ABCA4: variants seen among roughly 807,000 people sequenced by gnomAD.
ABCA4 encodes the protein retinal-specific phospholipid-transporting ATPase ABCA4.
In ABCA4, 196 loss-of-function variants were observed where a neutral mutation model predicts 263.7. The observed-to-expected ratio is 0.74, with a 90% CI of 0.66 to 0.84. The LOEUF (loss-of-function observed/expected upper bound fraction) is 0.84. Ranked by LOEUF, ABCA4 falls within the 40% of genes least tolerant of loss-of-function variation. ABCA4 has a pLI of 0.00. For missense variants in ABCA4, 2,792 were observed against 2,855.1 expected (o/e 0.98, Z 0.50); for synonymous variants, 1,133 against 1,094.2 (o/e 1.04, Z -0.70).
At chr1:94,102,475 C>T (rs565134662) in intron 5 of ABCA4, among the ~76,000 whole-genome samples, 1 of 152,110 alleles carries the variant, frequency 6.6e-6, no homozygotes, top group Admixed American at 6.5e-5. Flanking sequence ...TCAGGAAGGC[C>T]TTCCTGAGCA....
rs780874319 is a variant in ABCA4, at chr1:94,077,824, TA to T, written c.1419del (p.Thr474LeufsTer6). 6.2e-7 allele frequency: 1 copy of T among 1,614,238 alleles called. No individual in the cohort carries two copies. The highest frequency in any genetic ancestry group is 1.1e-5 in the South Asian group (1 of 91,082). ...FLNRQLGEEG[I>X]TAEAILNFLY... ...AGGAAGTTTAGGATGGCTTCAGCAG[TA>T]ATACCTTCTTCACCAAGCTGCCTAT... On this transcript the variant is annotated frameshift_variant, in exon 11 of 50. Coordinates refer to ENST00000370225, the MANE Select transcript of ABCA4 (RefSeq NM_000350.3). LOFTEE classifies it high-confidence loss of function.
intron 26 of ABCA4, among the ~76,000 whole-genome samples, chr1:94,033,642 A>G (rs951538031): frequency 6.6e-6 from 1 of 152,040 alleles, no homozygotes; most frequent in African/African-American, 2.4e-5. Flanking sequence ...TGCTTTCTTA[A>G]CCCTCCTCAA....
At chr1:94,089,835 C>G (rs898210014) in intron 6 of ABCA4, among the ~76,000 whole-genome samples, 2 of 152,168 alleles carry the variant, frequency 1.3e-5, no homozygotes, top group Non-Finnish European at 2.9e-5. Flanking sequence ...TAAAATACTT[C>G]TAATATTAAA....
intron 48 of ABCA4, among the ~76,000 whole-genome samples, chr1:93,997,001 G>C (rs1659023932): frequency 6.6e-6 from 1 of 152,200 alleles, no homozygotes; most frequent in South Asian, 2.1e-4. Flanking sequence ...GCAGTAAGTG[G>C]TGAGTTAGTG....
At chr1:94,047,635 C>T (rs1188292229) in intron 18 of ABCA4, among the ~76,000 whole-genome samples, 1 of 152,202 alleles carries the variant, frequency 6.6e-6, no homozygotes, top group Admixed American at 6.5e-5. Flanking sequence ...CAGATTCTCC[C>T]ATGACCTTTT....
At chr1:94,094,578 AG>A (rs1441046189) in intron 6 of ABCA4, among the ~76,000 whole-genome samples, 2 of 152,160 alleles carry the variant, frequency 1.3e-5, no homozygotes, top group East Asian at 1.9e-4. Context: ...AGCATTTAGG[AG>A]GGGGAAGGGA....
intron 7 of ABCA4, among the ~76,000 whole-genome samples, chr1:94,082,529 C>T (rs1012905316): frequency 1.4e-5 from 2 of 141,938 alleles, no homozygotes; most frequent in East Asian, 4.1e-4. Flanking sequence ...GGGCTCTTCT[C>T]TAACTTTCCC....
rs538745579 is a variant in ABCA4, at chr1:94,111,715, G to A, written c.161-136C>T. ...CTTCATTCTCAGCATTTAAGAAGCA[G>A]GAGCATCTCATGTGTGCCAGTCCCT... On this transcript the variant is annotated intron_variant, in intron 2 of 49. Transcript: ENST00000370225. The A allele has an allele frequency of 3.1e-5, 34 of 1,091,778 alleles. No homozygotes were observed. In the Middle Eastern group the frequency reaches 8.1e-4, roughly 26 times the overall value. 67.6% of individuals were successfully genotyped at this position (1,091,778 alleles called of 1,614,324 possible). A position where few individuals can be genotyped will look rare whatever the true frequency, so the allele number is the denominator to read the frequency against.
chr1:94,013,974 G>A (rs1403063304), intron 38 of ABCA4, among the ~76,000 whole-genome samples: 1 of 152,146 alleles, frequency 6.6e-6, no homozygotes, highest in African/African-American at 2.4e-5. Flanking sequence ...TTCATTGTAT[G>A]CCTTTTTGTT....
Position 93,998,021 on chromosome 1 carries a change from T to A in ABCA4, c.6569A>T (p.Gln2190Leu). 2.5e-6 allele frequency: 4 copies of A among 1,614,206 alleles called. No homozygotes were observed. The highest frequency in any genetic ancestry group is 3.4e-6 in the Non-Finnish European group (4 of 1,180,030). ...PDLNPVEQFF[Q>L]GNFPGSVQRE... is the part of the protein sequence containing the mutation. ...CTGCACACTGCCTGGGAAGTTCCCC[T>A]GGAAGAACTGCTCCACAGGGTTCAG... Residue 2190 changes from glutamine (Q) to leucine (L), a missense_variant, in exon 48 of 50, where the codon CAG becomes CTG. Coordinates refer to ENST00000370225, the MANE Select transcript of ABCA4 (RefSeq NM_000350.3).
At chr1:94,055,399 G>A in intron 15 of ABCA4, 84 bp from the exon 16 acceptor site, 2 of 1,390,886 alleles carry the variant, frequency 1.4e-6, no homozygotes, top group Non-Finnish European at 2.0e-6. Context: ...GAGGTAGAGG[G>A]GAGGGCCAAA....
At position 94,031,882 on chromosome 1, in the gene ABCA4, G is replaced by A; in HGVS notation, c.4024C>T (p.Pro1342Ser). Reference sequence around the variant, plus strand: ...AGCTGTGTCCCCGTGTTGAGCTGCGGGCCTGGGCACTCTGGCTCTGGGGGA... The same window carrying A: ...AGCTGTGTCCCCGTGTTGAGCTGCGAGCCTGGGCACTCTGGCTCTGGGGGA... ...QPPPEPECPG[P>S]QLNTGTQLVL... The change falls in exon 27 of 50, where the codon CCG becomes TCG. Residue 1342 changes from proline to serine, a missense_variant. Transcript: ENST00000370225. 1 of 1,614,202 alleles carries A rather than the reference G, an allele frequency of 6.2e-7. No individual in the cohort carries two copies. Among genetic ancestry groups the A allele is most frequent in the Non-Finnish European group, 8.5e-7 (1 of 1,180,036 alleles).
chr1:94,048,778 A>C, intron 18 of ABCA4, 90 bp downstream of exon 18: 1 of 1,283,818 alleles, frequency 7.8e-7, no homozygotes, highest in Non-Finnish European at 1.1e-6. Flanking sequence ...GCTTCTTTCC[A>C]CCCTTGCCAT....
intron 26 of ABCA4, among the ~76,000 whole-genome samples, chr1:94,032,455 A>G (rs1432916695): frequency 6.6e-6 from 1 of 152,170 alleles, no homozygotes; most frequent in African/African-American, 2.4e-5. Flanking sequence ...TGACCTACAT[A>G]GTGAAACCCC....
rs372461843 is a variant in ABCA4 at position 94,081,849 on chromosome 1, C to T, written c.859-1131G>A. On this transcript the variant is annotated intron_variant, in intron 7 of 49. Coordinates refer to ENST00000370225, the MANE Select transcript of ABCA4 (RefSeq NM_000350.3). ...GTGGAGCTGCCAGTAGCTTGGCTCC[C>T]ATAATGCCATTTGGCTTTGCTTTAG... 4.3e-4 allele frequency among the ~76,000 whole-genome samples: 66 copies of T among 152,306 alleles called. No homozygotes were observed. The South Asian group carries it at 0.013, about 30-fold the overall frequency.
At chr1:94,038,554 A>G (rs1450571266) in intron 24 of ABCA4, among the ~76,000 whole-genome samples, 1 of 152,238 alleles carries the variant, frequency 6.6e-6, no homozygotes, top group Admixed American at 6.5e-5. Context: ...TTTATGTCAA[A>G]TCTGCAAGTT....
intron 11 of ABCA4, among the ~76,000 whole-genome samples, chr1:94,073,794 C>T (rs1021110522): frequency 2.6e-5 from 4 of 151,560 alleles, no homozygotes; most frequent in African/African-American, 4.8e-5. Context: ...ATTTATGTCA[C>T]GATACGAATG....
intron 32 of ABCA4, 74 bp from the exon 33 acceptor site, chr1:94,022,025 T>C: frequency 7.8e-6 from 10 of 1,274,502 alleles, no homozygotes; most frequent in South Asian, 3.6e-5. Context: ...TCGGGTTTTG[T>C]AGGGAAACAT....
intron 26 of ABCA4, among the ~76,000 whole-genome samples, chr1:94,032,467 T>A (rs543679779): frequency 6.6e-6 from 1 of 152,112 alleles, no homozygotes; most frequent in Non-Finnish European, 1.5e-5. Context: ...TGAAACCCCC[T>A]CTCTACAAAA....
Sources: gnomAD v4.1 joint callset for allele counts (sites outside exome capture counted in the v4.1 genomes callset) on GRCh38, gnomAD v4.1.1 for gene constraint, MANE v1.5 for transcripts, NCBI Gene and HGNC (gene_info 2026-07-23, HGNC 2026-07-21) for gene names.